Variants in RPS6KL1 observed in about 807,000 individuals in gnomAD.
RPS6KL1 encodes ribosomal protein S6 kinase-like 1.
In RPS6KL1, 41 loss-of-function variants were observed where a neutral mutation model predicts 57.0. That is an observed-to-expected ratio of 0.72 (90% CI 0.56 to 0.93). The LOEUF is 0.93. RPS6KL1 is among the 40% of genes least tolerant of loss of function. RPS6KL1 has a pLI of 0.00. For synonymous variants in RPS6KL1, 287 were observed against 309.7 expected (o/e 0.93, Z 0.77); for missense variants, 697 against 727.7 (o/e 0.96, Z 0.49).
Position 74,908,868 on chromosome 14 carries a change from ATACAG to A in RPS6KL1, c.1420_1424del (p.Leu474Ter). On this transcript the variant is annotated frameshift_variant, in exon 10 of 12. Transcript: ENST00000557413. LOFTEE classifies it high-confidence loss of function. ...CACTCACCATTCCCGTCAGCAGTTC[ATACAG>A]TAGAGACCCAAAGCTCCACCAGTCA... is the stretch of plus-strand genomic sequence containing the variant. 20 of 1,614,166 alleles carry A rather than the reference ATACAG, an allele frequency of 1.2e-5. No homozygotes were observed. The highest frequency in any genetic ancestry group is 1.6e-5 in the Non-Finnish European group (19 of 1,180,030).
At chr14:74,909,072 A>T (rs1466110540) in intron 9 of RPS6KL1, 29 bp downstream of exon 9, 1 of 1,609,750 alleles carries the variant, frequency 6.2e-7, no homozygotes, top group Non-Finnish European at 8.5e-7. Context: ...CCAGGTGCTA[A>T]GGCCCACCCT....
intron 5 of RPS6KL1, 74 bp from the exon 6 acceptor site, chr14:74,911,915 T>G: frequency 2.3e-6 from 3 of 1,319,672 alleles, no homozygotes; most frequent in Non-Finnish European, 3.2e-6. Context: ...CCTGACCCCC[T>G]CCCAGGTTCC....
rs1347835085 is a variant in RPS6KL1 at position 74,904,021 on chromosome 14, G to A, written c.*2993C>T. 1.3e-5 allele frequency: 2 copies of A among 152,202 alleles called. No homozygotes were observed. The highest frequency in any genetic ancestry group is 2.9e-5 in the Non-Finnish European group (2 of 68,046). 9.4% of individuals were successfully genotyped at this position (152,202 alleles called of 1,614,324 possible). On this transcript the variant is annotated 3_prime_UTR_variant, in exon 12 of 12. Transcript: ENST00000557413. ...CTGATGGCCTGTGATACAACTCTTA[G>A]GAGATCCTGAGAACATGTGTCCAGG...
Position 74,922,280 on chromosome 14 carries a change from G to C in RPS6KL1, c.-323C>G. On this transcript the variant is annotated 5_prime_UTR_variant, in exon 2 of 12. Transcript: ENST00000557413. ...GCTGGGCTCAAATGCTGTTCCTCATGCTGTTCCCTCCACCCTGCCTGTTGT... is the reference window on the plus strand; with the variant it reads ...GCTGGGCTCAAATGCTGTTCCTCATCCTGTTCCCTCCACCCTGCCTGTTGT... 6.1e-6 allele frequency: 6 copies of C among 986,168 alleles called. No individual in the cohort carries two copies. The highest frequency in any genetic ancestry group is 7.2e-6 in the Non-Finnish European group (6 of 830,450). 61.1% of individuals were successfully genotyped at this position (986,168 alleles called of 1,614,324 possible).
chr14:74,906,648 G>C lies in RPS6KL1; in HGVS notation c.*366C>G, dbSNP rs111337797. The C allele has an allele frequency of 9.4e-6, 5 of 534,414 alleles. No individual in the cohort carries two copies. Among genetic ancestry groups the C allele is most frequent in the African/African-American group, 3.8e-5 (2 of 52,580 alleles). 33.1% of individuals were successfully genotyped at this position (534,414 alleles called of 1,614,324 possible). On this transcript the variant is annotated 3_prime_UTR_variant, in exon 12 of 12. Coordinates refer to ENST00000557413, the MANE Select transcript of RPS6KL1 (RefSeq NM_031464.5). ...TGAGTGGGGCACAACATGGCAGTGA[G>C]TGAGTCACAGAACCTCACAGTAGGG... is the stretch of plus-strand genomic sequence containing the variant.
intron 4 of RPS6KL1, 32 bp downstream of exon 4, chr14:74,919,813 C>T: frequency 6.2e-7 from 1 of 1,602,024 alleles, no homozygotes; most frequent in Non-Finnish European, 8.5e-7. Flanking sequence ...CCTCCTCCCG[C>T]TCAGGCCTTT....
intron 9 of RPS6KL1, 24 bp downstream of exon 9, chr14:74,909,077 C>T: frequency 1.9e-6 from 3 of 1,609,870 alleles, no homozygotes; most frequent in Non-Finnish European, 2.6e-6. Flanking sequence ...TGCTAAGGCC[C>T]ACCCTGGCCT....
At chr14:74,911,072 A>G in intron 7 of RPS6KL1, 176 bp downstream of exon 7, 1 of 580,094 alleles carries the variant, frequency 1.7e-6, no homozygotes, top group Non-Finnish European at 3.1e-6. Flanking sequence ...GGGTTTCACT[A>G]TGTTGGCCAG....
At position 74,907,144 on chromosome 14, in the gene RPS6KL1, C is replaced by A; in HGVS notation, c.1540-20G>T. On this transcript the variant is annotated intron_variant, in intron 11 of 11. Transcript: ENST00000557413. ...CAGCAGCTGCAGAGAGAGGCCCAGT[C>A]AGCTGGGCCACTCCAGCTGTGGAGG... 1 of 1,582,410 alleles carries A rather than the reference C, an allele frequency of 6.3e-7. No individual in the cohort carries two copies. The highest frequency in any genetic ancestry group is 1.1e-5 in the South Asian group (1 of 87,380).
rs1310438049 is a variant in RPS6KL1 at position 74,910,104 on chromosome 14, G to A, written c.709C>T (p.His237Tyr). The change falls in exon 8 of 12, where the codon CAT (histidine) becomes TAT (tyrosine). Residue 237 changes from histidine to tyrosine, a missense_variant. Physicochemically the swap from His to Tyr is moderately conservative, Grantham distance 83 (BLOSUM62 2). Coordinates refer to ENST00000557413, the MANE Select transcript of RPS6KL1 (RefSeq NM_031464.5). Reference sequence around the variant, plus strand: ...GTAGAGCCAGAGCTGAGCCCAGAATGTCGGGAGTGCGCCTGGGAGAGCAGG... The same window carrying A: ...GTAGAGCCAGAGCTGAGCCCAGAATATCGGGAGTGCGCCTGGGAGAGCAGG... The part of the protein sequence containing the change: ...SHLLSQAHSR[H>Y]SGLSSGSTQE... The A allele has an allele frequency of 6.3e-7, 1 of 1,583,400 alleles. No individual in the cohort carries two copies. The highest frequency in any genetic ancestry group is 1.1e-5 in the South Asian group (1 of 88,078).
rs1887984615 is a variant in RPS6KL1, at chr14:74,922,363, C to T, written c.-406G>A. The T allele has an allele frequency of 4.1e-6, 4 of 985,974 alleles. No homozygotes were observed. The highest frequency in any genetic ancestry group is 4.8e-6 in the Non-Finnish European group (4 of 830,312). The allele number at this position is 985,974 out of a possible 1,614,324, so 61.1% of individuals were successfully genotyped here. ...TACCCTTTGGGGTTTAGCACTTCTC[C>T]GTGGACCGGATGGATTGCCCCTGCT... On this transcript the variant is annotated 5_prime_UTR_variant, in exon 2 of 12. Coordinates refer to ENST00000557413, the MANE Select transcript of RPS6KL1 (RefSeq NM_031464.5).
chr14:74,916,683 G>GAA (rs750980012), intron 5 of RPS6KL1, among the ~76,000 whole-genome samples: 1 of 144,708 alleles, frequency 6.9e-6, no homozygotes, highest in African/African-American at 2.5e-5. Context: ...CCTGTGTCAA[G>GAA]AAAAAAAAAA....
At position 74,921,265 on chromosome 14, in the gene RPS6KL1, C is replaced by T. The variant is rs371918408; in HGVS notation, c.265+12G>A. 2.5e-6 allele frequency: 4 copies of T among 1,605,090 alleles called. No homozygotes were observed. The highest frequency in any genetic ancestry group is 2.7e-5 in the African/African-American group (2 of 74,746). On this transcript the variant is annotated intron_variant, in intron 3 of 11. Coordinates refer to ENST00000557413, the MANE Select transcript of RPS6KL1 (RefSeq NM_031464.5). ...CCCACCCACCCCAGCCCTGCCCAGC[C>T]CCGGTCCTCACCGTGTATGCCACGG...
At position 74,906,609 on chromosome 14, in the gene RPS6KL1, C is replaced by T. The variant is rs1007108205; in HGVS notation, c.*405G>A. 1.9e-6 allele frequency: 1 copy of T among 532,082 alleles called. No individual in the cohort carries two copies. The highest frequency in any genetic ancestry group is 3.2e-4 in the Middle Eastern group (1 of 3,162). 33.0% of individuals were successfully genotyped at this position (532,082 alleles called of 1,614,324 possible). A position where few individuals can be genotyped will look rare whatever the true frequency, so the allele number is the denominator to read the frequency against. ...AGTGGATCAGTGTCCTGAGATGAGT[C>T]TCCAGAGATGTCCTGAGTGGGGCAC... is the stretch of plus-strand genomic sequence containing the variant. On this transcript the variant is annotated 3_prime_UTR_variant, in exon 12 of 12. Coordinates refer to ENST00000557413, the MANE Select transcript of RPS6KL1 (RefSeq NM_031464.5).
chr14:74,919,737 G>A (rs1594952727), intron 4 of RPS6KL1, 108 bp downstream of exon 4: 4 of 1,245,736 alleles, frequency 3.2e-6, no homozygotes, highest in Non-Finnish European at 4.4e-6. Flanking sequence ...TTCCACTGCC[G>A]GCCTCTGCCC....
intron 10 of RPS6KL1, among the ~76,000 whole-genome samples, chr14:74,908,318 A>G (rs1338453755): frequency 1.3e-5 from 2 of 152,200 alleles, no homozygotes; most frequent in Non-Finnish European, 2.9e-5. Context: ...AGAGCCATCA[A>G]CTGTTCCCAA....
intron 7 of RPS6KL1, 122 bp from the exon 8 acceptor site, chr14:74,910,270 C>T: frequency 8.4e-7 from 1 of 1,191,932 alleles, no homozygotes. Context: ...CTCTGGGTGT[C>T]CTGGCCTAGT....
Position 74,909,697 on chromosome 14 carries a change from C to A in RPS6KL1, c.1116G>T (p.Gly372=). 1 of 1,609,238 alleles carries A rather than the reference C, an allele frequency of 6.2e-7. No individual in the cohort carries two copies. The highest frequency in any genetic ancestry group is 8.5e-7 in the Non-Finnish European group (1 of 1,179,916). Residue 372 remains glycine, a synonymous_variant, in exon 8 of 12, where the codon GGG becomes GGT. Coordinates refer to ENST00000557413, the MANE Select transcript of RPS6KL1 (RefSeq NM_031464.5). ...GMDQSCLSAD[G]AGRGCGRATW... is the part of the protein sequence containing the mutation. ...TGGCCCTGCCACAGCCCCGGCCGGCCCCATCTGCTGACAGGCAGCTCTGAT... is the reference window on the plus strand; with the variant it reads ...TGGCCCTGCCACAGCCCCGGCCGGCACCATCTGCTGACAGGCAGCTCTGAT...
chr14:74,905,183 A>G lies in RPS6KL1; in HGVS notation c.*1831T>C, dbSNP rs1884570931. On this transcript the variant is annotated 3_prime_UTR_variant, in exon 12 of 12. Coordinates refer to ENST00000557413, the MANE Select transcript of RPS6KL1 (RefSeq NM_031464.5). ...TAAACTCAGGGCCCAACAAAGTGTC[A>G]GATGTGTAGCTTTGGGTGGATGAAG... 2 of 152,176 alleles carry G rather than the reference A, an allele frequency of 1.3e-5. No homozygotes were observed. Among genetic ancestry groups the G allele is most frequent in the South Asian group, 4.1e-4 (2 of 4,828 alleles). 9.4% of individuals were successfully genotyped at this position (152,176 alleles called of 1,614,324 possible).
Sources: allele counts gnomAD v4.1 joint callset (sites outside exome capture counted in the v4.1 genomes callset), GRCh38; gene constraint gnomAD v4.1.1; transcripts MANE v1.5; gene names NCBI Gene and HGNC (gene_info 2026-07-23, HGNC 2026-07-21).